Variants in SUOX observed in about 807,000 individuals in gnomAD.
The protein encoded by SUOX is sulfite oxidase.
SUOX carries 39 observed loss-of-function variants against 41.9 expected under a neutral mutation model. The ratio of observed to expected loss-of-function variants is 0.93; its 90% confidence interval spans 0.72 to 1.21. The LOEUF (loss-of-function observed/expected upper bound fraction) is 1.21. SUOX is among the 50% of genes most tolerant of loss of function. SUOX has a pLI of 0.00. For missense variants in SUOX, 633 were observed against 689.5 expected, an observed-to-expected ratio of 0.92 and a Z score of 0.92; for synonymous variants, 220 against 268.4, an observed-to-expected ratio of 0.82 and a Z score of 1.76.
intron 2 of SUOX, among the ~76,000 whole-genome samples, chr12:55,998,440 A>G (rs1592819071): frequency 6.6e-6 from 1 of 151,048 alleles, no homozygotes; most frequent in South Asian, 2.1e-4. Flanking sequence ...CCCGCTACTC[A>G]GGAGGTTGAG....
intron 2 of SUOX, among the ~76,000 whole-genome samples, chr12:55,998,441 G>C (rs1489188563): frequency 6.6e-6 from 1 of 152,054 alleles, no homozygotes; most frequent in Non-Finnish European, 1.5e-5. Context: ...CCGCTACTCA[G>C]GAGGTTGAGG....
At position 56,003,777 on chromosome 12, in the gene SUOX, G is replaced by A. The variant is rs773403201; in HGVS notation, c.388G>A (p.Gly130Arg). 5 of 1,613,838 alleles carry A rather than the reference G, an allele frequency of 3.1e-6. No individual in the cohort carries two copies. Among genetic ancestry groups the A allele is most frequent in the Non-Finnish European group, 4.2e-6 (5 of 1,179,856 alleles). ...GCCTTCAAAGCTGATGCTAGCAGCT[G>A]GGGGTCCCCTAGAGCCCTTCTGGGC... The part of the protein sequence containing the change: ...GGPSKLMLAA[G>R]GPLEPFWALY... Residue 130 changes from glycine (G) to arginine (R), a missense_variant, in exon 5 of 5, where the codon GGG becomes AGG. Gly to Arg is a moderately radical substitution (Grantham distance 125, BLOSUM62 -2). Coordinates refer to ENST00000266971, the MANE Select transcript of SUOX (RefSeq NM_001032386.2).
intron 2 of SUOX, among the ~76,000 whole-genome samples, chr12:55,998,552 GGA>G (rs756922021): frequency 2.0e-5 from 3 of 151,514 alleles, no homozygotes; most frequent in Non-Finnish European, 2.9e-5. Flanking sequence ...AGGGGCAGGG[GGA>G]GGGGAGGGGA....
chr12:56,003,542 T>G, intron 4 of SUOX, 76 bp from the exon 5 acceptor site: 26 of 1,443,466 alleles, frequency 1.8e-5, no homozygotes, highest in Non-Finnish European at 2.2e-5. Flanking sequence ...ATTACAGTTG[T>G]GAGTCACCAC....
At chr12:56,002,460 C>T in intron 3 of SUOX, 83 bp from the exon 4 acceptor site, 1 of 1,588,972 alleles carries the variant, frequency 6.3e-7, no homozygotes, top group Non-Finnish European at 8.6e-7. Context: ...CAATGGCCAA[C>T]CAGGGAGAAA....
chr12:56,002,338 G>A, intron 3 of SUOX, 67 bp downstream of exon 3: 1 of 1,571,926 alleles, frequency 6.4e-7, no homozygotes, highest in Non-Finnish European at 8.7e-7. Context: ...CTTTTACAAT[G>A]TCATACCTTG....
At chr12:56,000,442 G>A (rs1456106541) in intron 2 of SUOX, among the ~76,000 whole-genome samples, 1 of 152,208 alleles carries the variant, frequency 6.6e-6, no homozygotes, top group Admixed American at 6.5e-5. Flanking sequence ...CTCCGTGTGC[G>A]GGGCCTGCCA....
Position 56,002,277 on chromosome 12 carries a change from C to T in SUOX, c.50+6C>T. 2 of 1,610,546 alleles carry T rather than the reference C, an allele frequency of 1.2e-6. No homozygotes were observed. On this transcript the variant is annotated splice_donor_region_variant and intron_variant, in intron 3 of 4. Coordinates refer to ENST00000266971, the MANE Select transcript of SUOX (RefSeq NM_001032386.2). ...AGGCTCCAACAGGCCTGCAGGTAGG[C>T]CAGCCCATCCCAGGACTTGCCTCCT...
rs760901724 is a variant in SUOX, at chr12:56,004,485, C to T, written c.1096C>T (p.Arg366Cys). 18 of 1,613,990 alleles carry T rather than the reference C, an allele frequency of 1.1e-5. No homozygotes were observed. Among genetic ancestry groups the T allele is most frequent in the African/African-American group, 2.7e-5 (2 of 74,894 alleles). Residue 366 changes from arginine (R) to cysteine (C), a missense_variant, in exon 5 of 5, where the codon CGT becomes TGT. Arg to Cys is a radical substitution (Grantham distance 180). Transcript: ENST00000266971. This position sits in a 1 kb window ranked among gnomAD's most constrained non-coding sequence, Gnocchi z 4.5. Reference sequence around the variant, plus strand: ...GCCACGTGACCACGGCTTCCCTGTGCGTGTGGTGGTTCCTGGAGTGGTGGG... The same window carrying T: ...GCCACGTGACCACGGCTTCCCTGTGTGTGTGGTGGTTCCTGGAGTGGTGGG... The part of the protein sequence containing the change: ...PLPRDHGFPV[R>C]VVVPGVVGAR...
chr12:56,004,281 C>G lies in SUOX; in HGVS notation c.892C>G (p.Leu298Val). Residue 298 changes from leucine (L) to valine (V), a missense_variant, in exon 5 of 5, where the codon CTC (leucine) becomes GTC (valine). Leu to Val is a conservative substitution (Grantham distance 32, BLOSUM62 1). Coordinates refer to ENST00000266971, the MANE Select transcript of SUOX (RefSeq NM_001032386.2). This position sits in a 1 kb window ranked among gnomAD's most constrained non-coding sequence, Gnocchi z 4.5. ...ISTARWAGARLCDVLAQAGHQ... is the reference protein window; with the variant it reads ...ISTARWAGARVCDVLAQAGHQ... The stretch of plus-strand genomic sequence containing the variant: ...CACTGCACGCTGGGCTGGGGCACGG[C>G]TCTGTGATGTGTTAGCCCAGGCTGG... The G allele has an allele frequency of 6.2e-7, 1 of 1,614,062 alleles. No individual in the cohort carries two copies. Among genetic ancestry groups the G allele is most frequent in the South Asian group, 1.1e-5 (1 of 91,080 alleles).
Position 56,004,732 on chromosome 12 carries a change from A to G in SUOX, c.1343A>G (p.Tyr448Cys). ...VESGEVTIKG[Y>C]AWSGGGRAVI... is the part of the protein sequence containing the mutation. ...TCAGGGGAGGTGACCATCAAGGGCT[A>G]TGCATGGAGTGGTGGTGGCAGGGCT... is the stretch of plus-strand genomic sequence containing the variant. Residue 448 changes from tyrosine (Y) to cysteine (C), a missense_variant, in exon 5 of 5, where the codon TAT becomes TGT. Physicochemically the swap from Tyr to Cys is radical, Grantham distance 194. Coordinates refer to ENST00000266971, the MANE Select transcript of SUOX (RefSeq NM_001032386.2). The surrounding 1 kb of genome is among the most constrained non-coding windows in gnomAD (Gnocchi z 4.5). 1.2e-6 allele frequency: 2 copies of G among 1,614,110 alleles called. No individual in the cohort carries two copies. Among genetic ancestry groups the G allele is most frequent in the South Asian group, 1.1e-5 (1 of 91,084 alleles).
rs1006471802 is a variant in SUOX, at chr12:56,000,926, G to A, written c.-10-1286G>A. Among the ~76,000 whole-genome samples, 3 of 151,026 alleles carry A rather than the reference G, an allele frequency of 2.0e-5. No individual in the cohort carries two copies. In the East Asian group the frequency reaches 5.9e-4, roughly 30 times the overall value. On this transcript the variant is annotated intron_variant, in intron 2 of 4. Coordinates refer to ENST00000266971, the MANE Select transcript of SUOX (RefSeq NM_001032386.2). ...CTCCGGAGTAGCAGGGACTACAGGCGCCCGCCGCCAAGCCCGGCTAATTTT... is the reference window on the plus strand; with the variant it reads ...CTCCGGAGTAGCAGGGACTACAGGCACCCGCCGCCAAGCCCGGCTAATTTT...
chr12:56,002,989 G>A, intron 4 of SUOX: 2 of 362,990 alleles, frequency 5.5e-6, no homozygotes, highest in Non-Finnish European at 1.0e-5. Flanking sequence ...ATCAAGATCA[G>A]GCCACTGCTC....
chr12:55,998,795 C>T (rs1266940144), intron 2 of SUOX, among the ~76,000 whole-genome samples: 2 of 149,516 alleles, frequency 1.3e-5, no homozygotes, highest in Non-Finnish European at 2.9e-5. Flanking sequence ...CTTGCTCCAT[C>T]GCCCAGGCTT....
Position 56,002,723 on chromosome 12 carries a change from A to G in SUOX, c.228+3A>G. Reference sequence around the variant, plus strand: ...CCTATCAGGACCATCGGTGTAGGGTAAGTAGGGAAAGTGCTTCATTGTCAG... The same window carrying G: ...CCTATCAGGACCATCGGTGTAGGGTGAGTAGGGAAAGTGCTTCATTGTCAG... On this transcript the variant is annotated splice_donor_region_variant and intron_variant, in intron 4 of 4. Coordinates refer to ENST00000266971, the MANE Select transcript of SUOX (RefSeq NM_001032386.2). The G allele has an allele frequency of 6.2e-7, 1 of 1,613,886 alleles. No homozygotes were observed. The highest frequency in any genetic ancestry group is 1.3e-5 in the African/African-American group (1 of 75,014).
intron 3 of SUOX, 28 bp from the exon 4 acceptor site, chr12:56,002,515 G>C: frequency 6.2e-7 from 1 of 1,613,976 alleles, no homozygotes; most frequent in Non-Finnish European, 8.5e-7. Context: ...ATGACCATAC[G>C]TGCTACTAAG....
Position 56,005,202 on chromosome 12 carries a change from A to G in SUOX, c.*175A>G. The stretch of plus-strand genomic sequence containing the variant: ...CTTCCCTCTTTGGACACTATGTTAC[A>G]TACCCCTCTTGGCCTTTGAACCTGT... On this transcript the variant is annotated 3_prime_UTR_variant, in exon 5 of 5. Transcript: ENST00000266971. 2 of 720,094 alleles carry G rather than the reference A, an allele frequency of 2.8e-6. No homozygotes were observed. The highest frequency in any genetic ancestry group is 4.7e-6 in the Non-Finnish European group (2 of 422,736). The allele number at this position is 720,094 out of a possible 1,614,324, so 44.6% of individuals were successfully genotyped here.
At chr12:55,998,703 G>A (rs1056488516) in intron 2 of SUOX, among the ~76,000 whole-genome samples, 5 of 152,034 alleles carry the variant, frequency 3.3e-5, no homozygotes, top group Non-Finnish European at 7.4e-5. Flanking sequence ...ACACACACTT[G>A]TAGTCCCAGC....
chr12:56,005,404 A>T lies in SUOX; in HGVS notation c.*377A>T, dbSNP rs1230605609. ...AAATGTGTGTGGCATGTGTAAGAAA[A>T]GTGTATATACTATCTTATACTACCT... is the stretch of plus-strand genomic sequence containing the variant. On this transcript the variant is annotated 3_prime_UTR_variant, in exon 5 of 5. Transcript: ENST00000266971. 3.5e-6 allele frequency: 2 copies of T among 570,800 alleles called. No homozygotes were observed. Among genetic ancestry groups the T allele is most frequent in the Non-Finnish European group, 6.2e-6 (2 of 322,504 alleles). 35.4% of individuals were successfully genotyped at this position (570,800 alleles called of 1,614,324 possible).
Sources: gnomAD v4.1 joint callset for allele counts (sites outside exome capture counted in the v4.1 genomes callset) on GRCh38, gnomAD v4.1.1 for gene constraint, Gnocchi (gnomAD v3.1) non-coding constraint, MANE v1.5 for transcripts, NCBI Gene and HGNC (gene_info 2026-07-23, HGNC 2026-07-21) for gene names.